Variants in MAML3 observed in about 807,000 individuals in gnomAD.
MAML3 encodes the protein mastermind like transcriptional coactivator 3.
Under a neutral mutation model 101.9 loss-of-function variants are expected in MAML3, and 27 were observed. The ratio of observed to expected loss-of-function variants is 0.27; its 90% confidence interval spans 0.20 to 0.37. The LOEUF is 0.37. MAML3 is among the 10% of genes least tolerant of loss of function. The pLI, the probability that MAML3 is intolerant of heterozygous loss-of-function variation, is 1.00. For synonymous variants in MAML3, 501 were observed against 555.9 expected, an observed-to-expected ratio of 0.90 and a Z score of 1.39; for missense variants, 1,316 against 1,444.9, an observed-to-expected ratio of 0.91 and a Z score of 1.45.
chr4:139,764,856 G>C (rs1176614957), intron 2 of MAML3, among the ~76,000 whole-genome samples: 1 of 152,198 alleles, frequency 6.6e-6, no homozygotes, highest in East Asian at 1.9e-4. Context: ...AATGAGCTTG[G>C]CATGGCTCAC....
chr4:139,915,539 C>T (rs1412947924), intron 1 of MAML3, among the ~76,000 whole-genome samples: 1 of 152,150 alleles, frequency 6.6e-6, no homozygotes, highest in Non-Finnish European at 1.5e-5. Flanking sequence ...ACTGTTTAAC[C>T]AAGGATTCTC....
At chr4:139,729,891 G>GAA (rs1399649350) in intron 3 of MAML3, among the ~76,000 whole-genome samples, 1 of 152,204 alleles carries the variant, frequency 6.6e-6, no homozygotes, top group Non-Finnish European at 1.5e-5. Context: ...CCCTGTGTGT[G>GAA]ACCCAGAGTT....
Position 139,890,485 on chromosome 4 carries a change from G to A in MAML3, c.951C>T (p.Ala317=). Residue 317 remains alanine (A), a synonymous_variant, in exon 2 of 5, where the codon GCC becomes GCT. Transcript: ENST00000509479. The surrounding 1 kb of genome is among the most constrained non-coding windows in gnomAD (Gnocchi z 4.1). ...QEWQELIDEL[A]NTVPEDDIQD... ...GTATGTCATCCTCAGGAACCGTGTT[G>A]GCCAATTCATCTATTAATTCTTGCC... is the stretch of plus-strand genomic sequence containing the variant. 3 of 1,613,966 alleles carry A rather than the reference G, an allele frequency of 1.9e-6. No individual in the cohort carries two copies. The highest frequency in any genetic ancestry group is 2.5e-6 in the Non-Finnish European group (3 of 1,179,854).
At chr4:140,044,733 A>G (rs1727151436) in intron 1 of MAML3, among the ~76,000 whole-genome samples, 1 of 152,206 alleles carries the variant, frequency 6.6e-6, no homozygotes, top group Non-Finnish European at 1.5e-5. Flanking sequence ...ATGCCTGGAC[A>G]TGTGTGAACT....
intron 1 of MAML3, among the ~76,000 whole-genome samples, chr4:140,151,776 G>A (rs1239813444): frequency 1.3e-5 from 2 of 151,158 alleles, no homozygotes; most frequent in African/African-American, 2.5e-5. Context: ...GGGGAGATAA[G>A]AGAAAGGATT....
At chr4:139,987,724 A>C (rs921394689) in intron 1 of MAML3, among the ~76,000 whole-genome samples, 48 of 152,082 alleles carry the variant, frequency 3.2e-4, no homozygotes, top group African/African-American at 7.2e-5. Flanking sequence ...GTCTTTCATG[A>C]AACAGTGGAC....
chr4:139,935,115 T>TG (rs771168586), intron 1 of MAML3, among the ~76,000 whole-genome samples: 13 of 151,698 alleles, frequency 8.6e-5, no homozygotes, highest in Non-Finnish European at 1.2e-4. Context: ...CTACTGCCTA[T>TG]CACCCCCCTT....
At chr4:139,825,601 T>G (rs1464767403) in intron 2 of MAML3, among the ~76,000 whole-genome samples, 1 of 152,076 alleles carries the variant, frequency 6.6e-6, no homozygotes, top group Non-Finnish European at 1.5e-5. Context: ...AGCTGGGTGG[T>G]AGCTTCCTCC....
intron 1 of MAML3, among the ~76,000 whole-genome samples, chr4:140,110,031 G>A (rs66988151): frequency 0.095 from 14,434 of 152,256 alleles, 773 homozygotes; most frequent in East Asian, 0.26. Context: ...AAAACGGGGT[G>A]GGTGGGAGAA....
chr4:140,085,244 G>A (rs1374569517), intron 1 of MAML3, among the ~76,000 whole-genome samples: 3 of 152,146 alleles, frequency 2.0e-5, no homozygotes, highest in South Asian at 2.1e-4. Context: ...CTTAACAAAC[G>A]GGTAATGGGT....
chr4:140,051,391 C>G (rs1404340706), intron 1 of MAML3, among the ~76,000 whole-genome samples: 1 of 151,754 alleles, frequency 6.6e-6, no homozygotes, highest in Non-Finnish European at 1.5e-5. Context: ...CCTGTCTCTA[C>G]TAAAAATACA....
In MAML3 at chr4:139,864,933, T is replaced by G. The variant is rs1416410486; in HGVS notation, c.2079+24424A>C. On this transcript the variant is annotated intron_variant, in intron 2 of 4. Transcript: ENST00000509479. The stretch of plus-strand genomic sequence containing the variant: ...AGTAATGCAAACTTGCTTTTTTTTT[T>G]TTTTTTTTTTTTTTTTTTTTGCCAC... Among the ~76,000 whole-genome samples the G allele has an allele frequency of 4.5e-4, 63 of 141,030 alleles. 5 individuals are homozygous for G. The highest frequency in any genetic ancestry group is 1.4e-3 in the African/African-American group (54 of 37,900). The allele number at this position is 141,030 out of a possible 152,430, so 92.5% of individuals were successfully genotyped here.
At chr4:139,803,528 G>T (rs1029173190) in intron 2 of MAML3, among the ~76,000 whole-genome samples, 2 of 152,170 alleles carry the variant, frequency 1.3e-5, no homozygotes, top group Non-Finnish European at 2.9e-5. Context: ...AACCATGTTT[G>T]CTAGGAAAAC....
chr4:140,137,068 A>G (rs1429227410), intron 1 of MAML3, among the ~76,000 whole-genome samples: 1 of 152,262 alleles, frequency 6.6e-6, no homozygotes, highest in Non-Finnish European at 1.5e-5. Flanking sequence ...GGCTCACTGC[A>G]GGCTCCGCCT....
At chr4:140,065,286 C>CTT (rs561578229) in intron 1 of MAML3, among the ~76,000 whole-genome samples, 1 of 145,740 alleles carries the variant, frequency 6.9e-6, no homozygotes, top group South Asian at 2.2e-4. Context: ...TTACGGTTTG[C>CTT]TTTTTTTTTT....
intron 1 of MAML3, among the ~76,000 whole-genome samples, chr4:139,947,523 A>G (rs1733751554): frequency 6.6e-6 from 1 of 152,204 alleles, no homozygotes; most frequent in African/African-American, 2.4e-5. Context: ...ACTCTGTCCT[A>G]TTTATTAAAA....
chr4:139,739,576 C>T (rs1579379753), intron 2 of MAML3, among the ~76,000 whole-genome samples: 1 of 151,684 alleles, frequency 6.6e-6, no homozygotes, highest in South Asian at 2.1e-4. Flanking sequence ...ACATCCATAC[C>T]ATGAATACTA....
chr4:140,087,749 T>C (rs1727976822), intron 1 of MAML3, among the ~76,000 whole-genome samples: 3 of 152,198 alleles, frequency 2.0e-5, no homozygotes, highest in Admixed American at 2.0e-4. Flanking sequence ...CTATATTTCA[T>C]CCTGGGTCTC....
intron 1 of MAML3, among the ~76,000 whole-genome samples, chr4:139,999,041 T>C (rs1408887065): frequency 6.6e-6 from 1 of 152,192 alleles, no homozygotes; most frequent in Non-Finnish European, 1.5e-5. Flanking sequence ...TATCAGCCTA[T>C]GCTTTCCACT....
Sources: gnomAD v4.1 joint callset for allele counts (sites outside exome capture counted in the v4.1 genomes callset) on GRCh38, gnomAD v4.1.1 for gene constraint, Gnocchi (gnomAD v3.1) non-coding constraint, MANE v1.5 for transcripts, NCBI Gene and HGNC (gene_info 2026-07-23, HGNC 2026-07-21) for gene names.